Variants in RTL4 observed in about 807,000 individuals in gnomAD.
The protein encoded by RTL4 is retrotransposon Gag-like protein 4.
A neutral mutation model predicts 5.3 loss-of-function variants in RTL4; 4 were observed. That is an observed-to-expected ratio of 0.75 (90% CI 0.37 to 1.72). The LOEUF is 1.72. RTL4 is among the 40% of genes most tolerant of loss of function. The probability of loss-of-function intolerance (pLI) is 0.04; values close to 1 mark genes in which losing one functional copy is unlikely to be tolerated. For synonymous variants in RTL4, 98 were observed against 87.3 expected, an observed-to-expected ratio of 1.12 and a Z score of -0.68; for missense variants, 260 against 227.1, an observed-to-expected ratio of 1.14 and a Z score of -0.93.
chrX:112,262,894 G>T, the RTL4 span, among the ~76,000 whole-genome samples: 1 of 109,825 alleles, frequency 9.1e-6, no homozygotes, highest in Non-Finnish European at 1.9e-5. Context: ...GTCCTTTGTA[G>T]GGACATGGAT....
chrX:112,098,246 G>T, the RTL4 span, among the ~76,000 whole-genome samples: 1 of 109,244 alleles, frequency 9.2e-6, no homozygotes. Flanking sequence ...TGCTGAGAAT[G>T]ATGGTTTCCA....
the RTL4 span, among the ~76,000 whole-genome samples, chrX:112,302,635 A>T: frequency 9.8e-5 from 11 of 112,447 alleles, no homozygotes; most frequent in African/African-American, 3.5e-4. Context: ...GAATTAAATG[A>T]GATAACACAG....
chrX:112,385,456 T>C, the RTL4 span, among the ~76,000 whole-genome samples: 1 of 111,564 alleles, frequency 9.0e-6, no homozygotes, highest in South Asian at 3.7e-4. Context: ...CAGCATTTGT[T>C]GAAAAGACTA....
At chrX:112,169,056 CT>C in the RTL4 span, among the ~76,000 whole-genome samples, 10 of 27,171 alleles carry the variant, frequency 3.7e-4, no homozygotes, top group Admixed American at 6.2e-3. Flanking sequence ...TTCTTTCTTT[CT>C]TTCTTTCTTT....
At chrX:112,160,510 C>A in the RTL4 span, among the ~76,000 whole-genome samples, 2 of 111,896 alleles carry the variant, frequency 1.8e-5, no homozygotes, top group African/African-American at 6.5e-5. Flanking sequence ...CCTCCAAAAG[C>A]GTATATATGT....
chrX:112,269,872 T>C, the RTL4 span, among the ~76,000 whole-genome samples: 30 of 112,467 alleles, frequency 2.7e-4, no homozygotes, highest in African/African-American at 9.7e-4. Flanking sequence ...CTCTCCCTCT[T>C]ACTGTCCAAT....
chrX:112,414,482 G>A, the RTL4 span, among the ~76,000 whole-genome samples: 7 of 111,219 alleles, frequency 6.3e-5, no homozygotes, highest in East Asian at 1.7e-3. Flanking sequence ...GGTCCATCTG[G>A]ACATTATTTT....
the RTL4 span, among the ~76,000 whole-genome samples, chrX:112,272,992 T>C: frequency 8.9e-6 from 1 of 111,893 alleles, no homozygotes; most frequent in South Asian, 3.8e-4. Flanking sequence ...ACAAAGTGAT[T>C]TTCAACTTGT....
At chrX:112,352,525 T>C in the RTL4 span, among the ~76,000 whole-genome samples, 1 of 110,688 alleles carries the variant, frequency 9.0e-6, no homozygotes, top group Non-Finnish European at 1.9e-5. Context: ...GAAATAATGC[T>C]GCATATCTAC....
chrX:112,114,414 T>A, the RTL4 span, among the ~76,000 whole-genome samples: 1 of 111,915 alleles, frequency 8.9e-6, no homozygotes, highest in African/African-American at 3.3e-5. Context: ...AAATCCGCAT[T>A]CTTTTCATTA....
At chrX:112,209,802 T>A in the RTL4 span, among the ~76,000 whole-genome samples, 1 of 111,790 alleles carries the variant, frequency 8.9e-6, no homozygotes, top group South Asian at 3.8e-4. Flanking sequence ...GGTGACTTGA[T>A]GACCCATAGC....
chrX:112,197,868 T>C, the RTL4 span, among the ~76,000 whole-genome samples: 1 of 112,211 alleles, frequency 8.9e-6, no homozygotes, highest in Non-Finnish European at 1.9e-5. Context: ...TAAAGAAAAT[T>C]ACATGTACTG....
the RTL4 span, among the ~76,000 whole-genome samples, chrX:112,220,360 G>A: frequency 8.9e-6 from 1 of 112,680 alleles, no homozygotes; most frequent in African/African-American, 3.2e-5. Flanking sequence ...AGTAAAAGCA[G>A]CTAGGATGCA....
At chrX:112,099,133 C>T in the RTL4 span, among the ~76,000 whole-genome samples, 4 of 111,848 alleles carry the variant, frequency 3.6e-5, no homozygotes, top group East Asian at 8.5e-4. Context: ...GCAATCTACT[C>T]ATCTGACAAA....
the RTL4 span, among the ~76,000 whole-genome samples, chrX:112,352,227 T>C: frequency 9.0e-6 from 1 of 111,573 alleles, no homozygotes; most frequent in Non-Finnish European, 1.9e-5. Flanking sequence ...GAGTTTCTGC[T>C]GAGAGATCTG....
chrX:112,352,092 G>T, the RTL4 span, among the ~76,000 whole-genome samples: 1 of 110,964 alleles, frequency 9.0e-6, no homozygotes. Flanking sequence ...GCATTTGCTT[G>T]TCTGTAAAGT....
the RTL4 span, among the ~76,000 whole-genome samples, chrX:112,352,363 G>A: frequency 0.023 from 2,562 of 110,495 alleles, 58 homozygotes; most frequent in African/African-American, 0.078. Context: ...AAAAGAGCCC[G>A]CATCGCCAAG....
the RTL4 span, among the ~76,000 whole-genome samples, chrX:112,439,990 A>C: frequency 2.7e-5 from 3 of 111,726 alleles, no homozygotes; most frequent in East Asian, 8.5e-4. Context: ...ACTAAAACAC[A>C]CCTGGAAAAG....
At chrX:112,284,297 A>G in the RTL4 span, among the ~76,000 whole-genome samples, 12 of 110,590 alleles carry the variant, frequency 1.1e-4, no homozygotes, top group South Asian at 4.6e-3. Flanking sequence ...TATGTGAAAA[A>G]AAAAAGTATT....
Sources: allele counts gnomAD v4.1 joint callset (sites outside exome capture counted in the v4.1 genomes callset), GRCh38; gene constraint gnomAD v4.1.1; transcripts MANE v1.5; gene names NCBI Gene and HGNC (gene_info 2026-07-23, HGNC 2026-07-21).